HIVEP3: variants seen among roughly 807,000 people sequenced by gnomAD.
HIVEP3 encodes the protein HIVEP zinc finger 3, also known as transcription factor HIVEP3.
In HIVEP3, 49 loss-of-function variants were observed where a neutral mutation model predicts 152.8. That is an observed-to-expected ratio of 0.32 (90% CI 0.26 to 0.41). The LOEUF is 0.41. Ranked by LOEUF, HIVEP3 falls within the 10% of genes least tolerant of loss-of-function variation. HIVEP3 has a pLI of 1.00. For synonymous variants in HIVEP3, 1,269 were observed against 1,289.0 expected (o/e 0.98, Z 0.33); for missense variants, 2,790 against 3,103.3 (o/e 0.90, Z 2.40).
At chr1:41,827,996 T>C (rs1642852809) in intron 1 of HIVEP3, among the ~76,000 whole-genome samples, 1 of 152,186 alleles carries the variant, frequency 6.6e-6, no homozygotes, top group African/African-American at 2.4e-5. Flanking sequence ...GACAGCTCTC[T>C]GGCTTCTTCA....
chr1:41,575,650 C>T lies in HIVEP3; in HGVS notation c.5101G>A (p.Asp1701Asn). The T allele has an allele frequency of 6.2e-7, 1 of 1,614,186 alleles. No homozygotes were observed. The highest frequency in any genetic ancestry group is 8.5e-7 in the Non-Finnish European group (1 of 1,180,030). The change falls in exon 5 of 9, where the codon GAT becomes AAT. Residue 1701 changes from aspartate (D) to asparagine (N), a missense_variant. Physicochemically the swap from Asp to Asn is conservative, Grantham distance 23 (BLOSUM62 1). Around this residue, in one of 9 missense-constraint regions of HIVEP3, gnomAD observed 1,078 missense variants for 1,165.3 expected, o/e 0.93. Coordinates refer to ENST00000372583, the MANE Select transcript of HIVEP3 (RefSeq NM_024503.5). ...TCTTCCTTCTCCACTCTAGCTAGAT[C>T]TTTCTGGCCTTCCGGGGAAACCAGT... ...PSLVSPEGQKDLARVEKEEER... is the reference protein window; with the variant it reads ...PSLVSPEGQKNLARVEKEEER...
intron 1 of HIVEP3, among the ~76,000 whole-genome samples, chr1:41,903,514 C>T (rs1644659328): frequency 6.6e-6 from 1 of 152,224 alleles, no homozygotes; most frequent in Non-Finnish European, 1.5e-5. Context: ...GGAGGTGAGG[C>T]TAGAAAAGAC....
intron 1 of HIVEP3, among the ~76,000 whole-genome samples, chr1:41,780,674 G>A (rs980937315): frequency 2.0e-5 from 3 of 152,204 alleles, no homozygotes; most frequent in Non-Finnish European, 4.4e-5. Flanking sequence ...CGAACTGGAG[G>A]TGCCAGCTGA....
chr1:41,757,565 A>G (rs1647394368), intron 1 of HIVEP3, among the ~76,000 whole-genome samples: 1 of 152,214 alleles, frequency 6.6e-6, no homozygotes, highest in African/African-American at 2.4e-5. Context: ...CTGTGTCTCA[A>G]AAAACAAATA....
intron 1 of HIVEP3, among the ~76,000 whole-genome samples, chr1:41,832,919 TGA>T (rs1643005105): frequency 6.6e-6 from 1 of 152,196 alleles, no homozygotes; most frequent in East Asian, 1.9e-4. Context: ...GGGGTCTGGC[TGA>T]GGTCTAGGAA....
intron 1 of HIVEP3, among the ~76,000 whole-genome samples, chr1:41,997,314 C>T (rs982497552): frequency 2.6e-5 from 4 of 152,188 alleles, no homozygotes; most frequent in East Asian, 1.9e-4. Flanking sequence ...GAAACTACCA[C>T]GCCTTTCCTG....
At chr1:41,520,111 A>G (rs1642722098) in intron 6 of HIVEP3, among the ~76,000 whole-genome samples, 1 of 152,206 alleles carries the variant, frequency 6.6e-6, no homozygotes, top group Non-Finnish European at 1.5e-5. Flanking sequence ...AGATGGATGG[A>G]TAGGTGACCA....
At chr1:41,787,696 ATTT>A (rs879683214) in intron 1 of HIVEP3, among the ~76,000 whole-genome samples, 2,441 of 135,502 alleles carry the variant, frequency 0.018, 32 homozygotes, top group Non-Finnish European at 0.022. Context: ...AATTAAAAAA[ATTT>A]TTTTTTTTTT....
chr1:41,638,044 A>T (rs1439274382), intron 2 of HIVEP3, among the ~76,000 whole-genome samples: 1 of 152,210 alleles, frequency 6.6e-6, no homozygotes, highest in Non-Finnish European at 1.5e-5. Context: ...TAGACGCTGG[A>T]GGCTCTGAAG....
At chr1:41,698,638 C>T (rs1003826355) in intron 2 of HIVEP3, among the ~76,000 whole-genome samples, 2 of 152,160 alleles carry the variant, frequency 1.3e-5, no homozygotes, top group African/African-American at 4.8e-5. Context: ...ACTACTGACA[C>T]CCCAACACAT....
At chr1:41,559,193 G>C (rs2149087128) in intron 5 of HIVEP3, among the ~76,000 whole-genome samples, 1 of 152,198 alleles carries the variant, frequency 6.6e-6, no homozygotes, top group South Asian at 2.1e-4. Context: ...CACTTGTCCA[G>C]AAGTCTGCCT....
intron 2 of HIVEP3, among the ~76,000 whole-genome samples, chr1:41,685,623 C>T (rs1310331263): frequency 6.6e-6 from 1 of 152,220 alleles, no homozygotes; most frequent in Non-Finnish European, 1.5e-5. Context: ...AACCCAGGTC[C>T]CCACCTCAAC....
chr1:41,930,866 T>C (rs1253332463), intron 1 of HIVEP3, among the ~76,000 whole-genome samples: 1 of 152,146 alleles, frequency 6.6e-6, no homozygotes, highest in Non-Finnish European at 1.5e-5. Context: ...TTGATTTCCC[T>C]AATTAAAAAT....
intron 1 of HIVEP3, among the ~76,000 whole-genome samples, chr1:41,849,696 CT>C (rs750021881): frequency 0.062 from 8,873 of 142,238 alleles, 744 homozygotes; most frequent in African/African-American, 0.2. Context: ...AGACCCAAAT[CT>C]TTTTTTTTTT....
chr1:41,884,343 C>T (rs530284875), intron 1 of HIVEP3, among the ~76,000 whole-genome samples: 1 of 152,288 alleles, frequency 6.6e-6, no homozygotes, highest in Admixed American at 6.5e-5. Context: ...ACCAGACTAA[C>T]TGTTTAGAGG....
chr1:41,532,507 A>G (rs1643291691), intron 5 of HIVEP3, among the ~76,000 whole-genome samples: 1 of 152,138 alleles, frequency 6.6e-6, no homozygotes, highest in Non-Finnish European at 1.5e-5. Context: ...AGAAATATAA[A>G]GTCTCTAAGA....
intron 1 of HIVEP3, among the ~76,000 whole-genome samples, chr1:41,761,177 C>T (rs1015612708): frequency 2.6e-5 from 4 of 152,238 alleles, no homozygotes; most frequent in African/African-American, 9.6e-5. Flanking sequence ...CATGCATGTG[C>T]ATATGTGTAT....
Position 41,832,761 on chromosome 1 carries a change from C to T in HIVEP3, c.-801+85652G>A, listed in dbSNP as rs548794501. On this transcript the variant is annotated intron_variant, in intron 1 of 8. Transcript: ENST00000372583. Reference sequence around the variant, plus strand: ...AATCTTCACAACAATCTCTGATTCACATTTTACAGATAAGGAAACTGAGAC... The same window carrying T: ...AATCTTCACAACAATCTCTGATTCATATTTTACAGATAAGGAAACTGAGAC... 3.1e-3 allele frequency among the ~76,000 whole-genome samples: 479 copies of T among 152,320 alleles called. 1 individual carries two copies. Among genetic ancestry groups the T allele is most frequent in the Non-Finnish European group, 5.0e-3 (338 of 68,032 alleles).
At chr1:41,618,120 C>A (rs1192651450) in intron 3 of HIVEP3, among the ~76,000 whole-genome samples, 14 of 152,198 alleles carry the variant, frequency 9.2e-5, no homozygotes, top group Admixed American at 8.5e-4. Context: ...CTGCCCTGTG[C>A]TGGGTGCTGG....
Sources: allele counts gnomAD v4.1 joint callset (sites outside exome capture counted in the v4.1 genomes callset), GRCh38; gene constraint gnomAD v4.1.1; regional missense constraint gnomAD v4.1.1; transcripts MANE v1.5; gene names NCBI Gene and HGNC (gene_info 2026-07-23, HGNC 2026-07-21).